Variants in ABRAXAS1 observed in about 807,000 individuals in gnomAD.
ABRAXAS1 encodes abraxas 1, BRCA1 A complex subunit, also known as BRCA1-A complex subunit Abraxas 1.
In ABRAXAS1, 26 loss-of-function variants were observed where a neutral mutation model predicts 38.4. The ratio of observed to expected loss-of-function variants is 0.68; its 90% CI spans 0.50 to 0.94. The LOEUF is 0.94. Ranked by LOEUF, ABRAXAS1 falls within the 40% of genes least tolerant of loss-of-function variation. The probability of loss-of-function intolerance (pLI) is 0.00; values close to 1 mark genes in which losing one functional copy is unlikely to be tolerated. For synonymous variants in ABRAXAS1, 144 were observed against 165.5 expected, an observed-to-expected ratio of 0.87 and a Z score of 1.00; for missense variants, 438 against 481.9, an observed-to-expected ratio of 0.91 and a Z score of 0.85.
chr4:83,483,277 C>A (rs981523398), intron 1 of ABRAXAS1, among the ~76,000 whole-genome samples: 2 of 136,468 alleles, frequency 1.5e-5, no homozygotes, highest in African/African-American at 5.4e-5. Context: ...GATTTTATAT[C>A]TTTTTTTTTT....
At chr4:83,464,590 C>G (rs1410734642) in intron 7 of ABRAXAS1, among the ~76,000 whole-genome samples, 1 of 152,142 alleles carries the variant, frequency 6.6e-6, no homozygotes, top group African/African-American at 2.4e-5. Context: ...TTTAGGATGT[C>G]TGCCAAGCCT....
In ABRAXAS1 at chr4:83,469,131, A is replaced by G. The variant is rs1250821832; in HGVS notation, c.497T>C (p.Leu166Ser). 1 of 1,613,756 alleles carries G rather than the reference A, an allele frequency of 6.2e-7. No homozygotes were observed. Among genetic ancestry groups the G allele is most frequent in the Non-Finnish European group, 8.5e-7 (1 of 1,179,818 alleles). The change falls in exon 6 of 9, where the codon TTA (leucine) becomes TCA (serine). Residue 166 changes from leucine to serine, a missense_variant. Coordinates refer to ENST00000321945, the MANE Select transcript of ABRAXAS1 (RefSeq NM_139076.3). ...PQKGLFHRVP[L>S]VVANLGMSEQ... is the part of the protein sequence containing the mutation. The stretch of plus-strand genomic sequence containing the variant: ...AGACATGCCCAGATTGGCAACCACT[A>G]AAGGTACCCTGTGAAAAAGTCTGAC...
chr4:83,470,474 A>G, intron 4 of ABRAXAS1, 78 bp from the exon 5 acceptor site: 2 of 1,045,654 alleles, frequency 1.9e-6, no homozygotes, highest in Non-Finnish European at 2.7e-6. Context: ...AATAAAATAA[A>G]CAACCTTAAA....
chr4:83,476,939 T>A (rs1722796578), intron 2 of ABRAXAS1, among the ~76,000 whole-genome samples: 1 of 152,126 alleles, frequency 6.6e-6, no homozygotes, highest in South Asian at 2.1e-4. Flanking sequence ...GGAACCACAA[T>A]GCTATATTTC....
intron 5 of ABRAXAS1, chr4:83,469,993 A>C: frequency 2.4e-6 from 1 of 418,092 alleles, no homozygotes; most frequent in Non-Finnish European, 4.2e-6. Flanking sequence ...CCAGAATACA[A>C]GTCATCATTC....
At chr4:83,484,921 G>A in intron 1 of ABRAXAS1, 65 bp downstream of exon 1, 1 of 1,393,676 alleles carries the variant, frequency 7.2e-7, no homozygotes, top group East Asian at 2.8e-5. Context: ...GCAACAGCGG[G>A]GAGGCAGGCC....
chr4:83,484,889 G>T, intron 1 of ABRAXAS1, 97 bp downstream of exon 1: 1 of 1,028,126 alleles, frequency 9.7e-7, no homozygotes, highest in Non-Finnish European at 1.4e-6. Context: ...CGGCGGCGTC[G>T]GGGGAGCGGG....
chr4:83,478,082 G>C, intron 2 of ABRAXAS1: 1 of 897,806 alleles, frequency 1.1e-6, no homozygotes, highest in Non-Finnish European at 1.8e-6. Flanking sequence ...CATCGTTGTG[G>C]GAGTAGAGCT....
At chr4:83,473,090 G>A (rs1369351546) in intron 3 of ABRAXAS1, among the ~76,000 whole-genome samples, 1 of 152,020 alleles carries the variant, frequency 6.6e-6, no homozygotes, top group Non-Finnish European at 1.5e-5. Context: ...ACCAACCTGC[G>A]CAATGTGGCA....
rs2110030351 is a variant in ABRAXAS1, at chr4:83,460,475, G to A, written c.*1994C>T. On this transcript the variant is annotated 3_prime_UTR_variant, in exon 9 of 9. Transcript: ENST00000321945. Reference sequence around the variant, plus strand: ...CAACCCCACTTGTTTTTGTAGTTTTGTTTACGTAGTGCCATATGGTTGTTT... The same window carrying A: ...CAACCCCACTTGTTTTTGTAGTTTTATTTACGTAGTGCCATATGGTTGTTT... 1 of 153,976 alleles carries A rather than the reference G, an allele frequency of 6.5e-6. No individual in the cohort carries two copies. Among genetic ancestry groups the A allele is most frequent in the South Asian group, 2.0e-4 (1 of 4,894 alleles). 9.5% of individuals were successfully genotyped at this position (153,976 alleles called of 1,614,324 possible).
In ABRAXAS1 at chr4:83,463,100, T is replaced by C. The variant is rs111363994; in HGVS notation, c.797-198A>G. Among the ~76,000 whole-genome samples, 717 of 152,334 alleles carry C rather than the reference T, an allele frequency of 4.7e-3. 7 individuals carry two copies. The highest frequency in any genetic ancestry group is 0.016 in the African/African-American group (675 of 41,578). On this transcript the variant is annotated intron_variant, in intron 8 of 8. Transcript: ENST00000321945. ...AAAATTAAAGTTGTGTTCTTTCATG[T>C]CAGCAATATAGCTACCATAGTATTA...
At chr4:83,476,445 A>C (rs1722771493) in intron 3 of ABRAXAS1, among the ~76,000 whole-genome samples, 198 bp downstream of exon 3, 1 of 152,194 alleles carries the variant, frequency 6.6e-6, no homozygotes, top group African/African-American at 2.4e-5. Flanking sequence ...GCATTAAGTA[A>C]TATAAATACA....
At chr4:83,482,749 C>A (rs1253232948) in intron 1 of ABRAXAS1, among the ~76,000 whole-genome samples, 1 of 152,046 alleles carries the variant, frequency 6.6e-6, no homozygotes, top group Non-Finnish European at 1.5e-5. Flanking sequence ...ATTAGTCTAG[C>A]CTGAAATAAT....
At chr4:83,466,526 T>G (rs1403153644) in intron 7 of ABRAXAS1, among the ~76,000 whole-genome samples, 1 of 149,504 alleles carries the variant, frequency 6.7e-6, no homozygotes, top group East Asian at 2.0e-4. Context: ...AGAGCTGTTG[T>G]GAATTTCCAC....
Position 83,485,091 on chromosome 4 carries a change from T to C in ABRAXAS1, c.-19A>G. 1.9e-6 allele frequency: 3 copies of C among 1,565,108 alleles called. No individual in the cohort carries two copies. The highest frequency in any genetic ancestry group is 2.6e-6 in the Non-Finnish European group (3 of 1,153,498). ...CCTCCATGCTACCGCCGCCTCAGGCTACACAAGAGGACGAGGGCGGGGCGC... is the reference window on the plus strand; with the variant it reads ...CCTCCATGCTACCGCCGCCTCAGGCCACACAAGAGGACGAGGGCGGGGCGC... On this transcript the variant is annotated 5_prime_UTR_variant, in exon 1 of 9. Coordinates refer to ENST00000321945, the MANE Select transcript of ABRAXAS1 (RefSeq NM_139076.3).
At chr4:83,470,644 C>A (rs1722547791) in intron 4 of ABRAXAS1, among the ~76,000 whole-genome samples, 2 of 152,120 alleles carry the variant, frequency 1.3e-5, no homozygotes. Flanking sequence ...GAAATAAATT[C>A]TTGACTTTCT....
rs767501934 is a variant in ABRAXAS1 at position 83,461,241 on chromosome 4, G to C, written c.*1228C>G. The C allele has an allele frequency of 1.6e-5, 25 of 1,560,088 alleles. No individual in the cohort carries two copies. In the Admixed American group the frequency reaches 4.2e-4, roughly 26 times the overall value. ...TAATAAACTTATTTTACAGTAAGTGGTTGTATGATGCCAATACTGACTCAA... is the reference window on the plus strand; with the variant it reads ...TAATAAACTTATTTTACAGTAAGTGCTTGTATGATGCCAATACTGACTCAA... On this transcript the variant is annotated 3_prime_UTR_variant, in exon 9 of 9. Transcript: ENST00000321945.
chr4:83,482,308 G>A (rs1354606971), intron 1 of ABRAXAS1, 64 bp from the exon 2 acceptor site: 19 of 1,012,694 alleles, frequency 1.9e-5, no homozygotes, highest in African/African-American at 1.2e-4. Context: ...TTAACTAACC[G>A]TATTTCCTGA....
In ABRAXAS1 at chr4:83,461,287, G is replaced by A. The variant is rs1722104118; in HGVS notation, c.*1182C>T. 1 of 1,111,776 alleles carries A rather than the reference G, an allele frequency of 9.0e-7. No individual in the cohort carries two copies. Among genetic ancestry groups the A allele is most frequent in the African/African-American group, 1.5e-5 (1 of 64,956 alleles). 68.9% of individuals were successfully genotyped at this position (1,111,776 alleles called of 1,614,324 possible). On this transcript the variant is annotated 3_prime_UTR_variant, in exon 9 of 9. Coordinates refer to ENST00000321945, the MANE Select transcript of ABRAXAS1 (RefSeq NM_139076.3). ...CTCAAACCAACCTTTGGATAGAAAA[G>A]TGTTTGAGGAGTGAGGTAAAGAATG...
Sources: allele counts gnomAD v4.1 joint callset (sites outside exome capture counted in the v4.1 genomes callset), GRCh38; gene constraint gnomAD v4.1.1; transcripts MANE v1.5; gene names NCBI Gene and HGNC (gene_info 2026-07-23, HGNC 2026-07-21).